The following ZNF804B variants were observed in gnomAD, a reference collection of about 807,000 sequenced individuals.
The protein encoded by ZNF804B is zinc finger 804B.
A neutral mutation model predicts 101.4 loss-of-function variants in ZNF804B; 80 were observed. That is an observed-to-expected ratio of 0.79 (90% CI 0.66 to 0.95). The LOEUF is 0.95. ZNF804B is among the 40% of genes least tolerant of loss of function. The probability of loss-of-function intolerance (pLI) is 0.00; values close to 1 mark genes in which losing one functional copy is unlikely to be tolerated. For synonymous variants in ZNF804B, 622 were observed against 558.8 expected (o/e 1.11, Z -1.59); for missense variants, 1,673 against 1,561.9 (o/e 1.07, Z -1.20).
intron 1 of ZNF804B, among the ~76,000 whole-genome samples, chr7:88,995,883 G>A (rs958164711): frequency 9.2e-5 from 14 of 151,880 alleles, no homozygotes; most frequent in African/African-American, 3.4e-4. Context: ...TTAATCATGA[G>A]AAAAACATGA....
intron 1 of ZNF804B, among the ~76,000 whole-genome samples, chr7:88,816,063 A>G (rs945067832): frequency 1.4e-4 from 22 of 151,964 alleles, no homozygotes; most frequent in African/African-American, 5.3e-4. Flanking sequence ...TTGGCAGGAT[A>G]TCCTCCGCAC....
chr7:89,030,746 A>G (rs763539124), intron 1 of ZNF804B, among the ~76,000 whole-genome samples: 2 of 152,082 alleles, frequency 1.3e-5, no homozygotes, highest in East Asian at 1.9e-4. Context: ...TTTCTATTCA[A>G]TTGCTCCCTT....
At chr7:88,939,627 C>T (rs893792220) in intron 1 of ZNF804B, among the ~76,000 whole-genome samples, 15 of 151,638 alleles carry the variant, frequency 9.9e-5, no homozygotes, top group Admixed American at 2.6e-4. Context: ...AAGCCACAGT[C>T]GTGCACTAGA....
chr7:88,801,738 T>C (rs923134307), intron 1 of ZNF804B, among the ~76,000 whole-genome samples: 2 of 151,958 alleles, frequency 1.3e-5, no homozygotes, highest in Non-Finnish European at 2.9e-5. Flanking sequence ...ACATTTGAAA[T>C]ATAAAGACAG....
chr7:88,802,251 A>G (rs1462308448), intron 1 of ZNF804B, among the ~76,000 whole-genome samples: 1 of 152,140 alleles, frequency 6.6e-6, no homozygotes, highest in Non-Finnish European at 1.5e-5. Flanking sequence ...CTCAGGTAGT[A>G]TCTTTATAAC....
rs56064065 is a variant in ZNF804B, at chr7:89,224,712, ATGTGTGTGTGTG to A, written c.249+6445_249+6456del. ...TGTAAACCAATATTTCTGGCAAAGT[ATGTGTGTGTGTG>A]TGTGTGTGTGTGTGTGTGTGTGTGT... On this transcript the variant is annotated intron_variant, in intron 2 of 3. Transcript: ENST00000333190. Among the ~76,000 whole-genome samples, 69 of 144,150 alleles carry A rather than the reference ATGTGTGTGTGTG, an allele frequency of 4.8e-4. 1 individual carries two copies. The highest frequency in any genetic ancestry group is 1.2e-3 in the Admixed American group (17 of 14,454). 94.6% of individuals were successfully genotyped at this position (144,150 alleles called of 152,430 possible).
intron 1 of ZNF804B, among the ~76,000 whole-genome samples, chr7:88,807,555 G>A (rs1258829957): frequency 1.3e-5 from 2 of 152,148 alleles, no homozygotes; most frequent in Non-Finnish European, 2.9e-5. Context: ...TGTGTCTGAA[G>A]CCAGCATCTA....
intron 1 of ZNF804B, among the ~76,000 whole-genome samples, chr7:89,112,105 C>CAAA (rs3060290): frequency 0.075 from 8,885 of 118,450 alleles, 964 homozygotes; most frequent in African/African-American, 0.24. Context: ...GACTCTATCT[C>CAAA]AAAAAAAAAA....
intron 2 of ZNF804B, among the ~76,000 whole-genome samples, chr7:89,283,775 A>G (rs1790135173): frequency 6.6e-6 from 1 of 152,088 alleles, no homozygotes; most frequent in South Asian, 2.1e-4. Context: ...ATATACATAC[A>G]TATACAGTTG....
chr7:89,327,767 T>C (rs570494008), intron 3 of ZNF804B, among the ~76,000 whole-genome samples: 1 of 151,916 alleles, frequency 6.6e-6, no homozygotes, highest in African/African-American at 2.4e-5. Context: ...TCTTAATATA[T>C]TTTTTAAATT....
intron 1 of ZNF804B, among the ~76,000 whole-genome samples, chr7:88,847,817 T>A (rs1052073967): frequency 6.6e-6 from 1 of 152,192 alleles, no homozygotes; most frequent in African/African-American, 2.4e-5. Flanking sequence ...GCAGTTGTTC[T>A]TGTTGTGGTT....
At chr7:89,304,844 A>G (rs1300885769) in intron 2 of ZNF804B, among the ~76,000 whole-genome samples, 2 of 151,988 alleles carry the variant, frequency 1.3e-5, no homozygotes, top group Admixed American at 1.3e-4. Flanking sequence ...GACGGTCTTA[A>G]TCTTACCTGG....
chr7:88,923,616 G>A (rs1299160459), intron 1 of ZNF804B, among the ~76,000 whole-genome samples: 1 of 151,974 alleles, frequency 6.6e-6, no homozygotes, highest in Non-Finnish European at 1.5e-5. Context: ...GAAATGATAT[G>A]ATTTAGTGCA....
intron 1 of ZNF804B, among the ~76,000 whole-genome samples, chr7:88,964,778 C>T (rs1461809812): frequency 6.6e-6 from 1 of 151,454 alleles, no homozygotes; most frequent in East Asian, 2.0e-4. Context: ...CTCACCTTTG[C>T]TTTCTGTACT....
rs188535934 is a variant in ZNF804B at position 89,165,930 on chromosome 7, T to C, written c.109-52225T>C. On this transcript the variant is annotated intron_variant, in intron 1 of 3. Coordinates refer to ENST00000333190, the MANE Select transcript of ZNF804B (RefSeq NM_181646.5). Reference sequence around the variant, plus strand: ...ATACCATGTGTTTGTTATCAGAATGTGTTTTGGGAAAGTTTTACAAAACAT... The same window carrying C: ...ATACCATGTGTTTGTTATCAGAATGCGTTTTGGGAAAGTTTTACAAAACAT... Among the ~76,000 whole-genome samples, 254 of 152,292 alleles carry C rather than the reference T, an allele frequency of 1.7e-3. 1 individual carries two copies. Among genetic ancestry groups the C allele is most frequent in the African/African-American group, 5.4e-3 (226 of 41,578 alleles).
rs1791089571 is a variant in ZNF804B, at chr7:89,336,317, G to A, written c.3335G>A (p.Gly1112Glu). The change falls in exon 4 of 4, where the codon GGA (glycine) becomes GAA (glutamate). Residue 1112 changes from glycine (G) to glutamate (E), a missense_variant. Gly to Glu is a moderately conservative substitution (Grantham distance 98, BLOSUM62 -2). Transcript: ENST00000333190. Reference protein sequence around the residue: ...DVSMHINHVEGNINSYYDRTM... With the variant: ...DVSMHINHVEENINSYYDRTM... ...AGCATGCATATAAATCATGTAGAGG[G>A]AAATATAAACTCTTACTATGACAGA... The A allele has an allele frequency of 6.2e-7, 1 of 1,613,760 alleles. No homozygotes were observed. The highest frequency in any genetic ancestry group is 8.5e-7 in the Non-Finnish European group (1 of 1,179,948).
intron 2 of ZNF804B, among the ~76,000 whole-genome samples, chr7:89,285,332 C>A (rs1486828669): frequency 6.6e-6 from 1 of 151,230 alleles, no homozygotes; most frequent in Non-Finnish European, 1.5e-5. Flanking sequence ...ACCATCCTGA[C>A]TAACACGATG....
chr7:89,337,676 G>A lies in ZNF804B; in HGVS notation c.*644G>A, dbSNP rs1264824305. Among the ~76,000 whole-genome samples, 1 of 152,032 alleles carries A rather than the reference G, an allele frequency of 6.6e-6. No individual in the cohort carries two copies. Among genetic ancestry groups the A allele is most frequent in the Non-Finnish European group, 1.5e-5 (1 of 67,964 alleles). ...TTATCTTCATTTCACACAAATCTAT[G>A]TCAAGATAATTTTGTAATTGTAAGA... On this transcript the variant is annotated 3_prime_UTR_variant, in exon 4 of 4. Coordinates refer to ENST00000333190, the MANE Select transcript of ZNF804B (RefSeq NM_181646.5).
At chr7:89,076,183 G>A (rs1452202576) in intron 1 of ZNF804B, among the ~76,000 whole-genome samples, 1 of 152,190 alleles carries the variant, frequency 6.6e-6, no homozygotes, top group African/African-American at 2.4e-5. Flanking sequence ...GAAATGTGAA[G>A]ACATGGGATT....
Sources: gnomAD v4.1 joint callset for allele counts (sites outside exome capture counted in the v4.1 genomes callset) on GRCh38, gnomAD v4.1.1 for gene constraint, MANE v1.5 for transcripts, NCBI Gene and HGNC (gene_info 2026-07-23, HGNC 2026-07-21) for gene names.